MACROD2: variants seen among roughly 807,000 people sequenced by gnomAD.
MACROD2 encodes ADP-ribose glycohydrolase MACROD2.
MACROD2 carries 36 observed loss-of-function variants against 70.4 expected under a neutral mutation model. The ratio of observed to expected loss-of-function variants is 0.51; its 90% CI spans 0.39 to 0.68. The LOEUF (loss-of-function observed/expected upper bound fraction) is 0.68, where lower values mean the gene tolerates loss of function less well. Ranked by LOEUF, MACROD2 falls within the 30% of genes least tolerant of loss-of-function variation. The pLI, the probability that MACROD2 is intolerant of heterozygous loss-of-function variation, is 0.00. For synonymous variants in MACROD2, 172 were observed against 178.8 expected (o/e 0.96, Z 0.30); for missense variants, 496 against 538.4 (o/e 0.92, Z 0.78).
chr20:15,783,632 A>T (rs945037906), intron 8 of MACROD2, among the ~76,000 whole-genome samples: 3 of 152,216 alleles, frequency 2.0e-5, no homozygotes, highest in African/African-American at 7.2e-5. Flanking sequence ...CACTTTTAGG[A>T]TAAAGATACA....
rs574192953 is a variant in MACROD2 at position 15,015,458 on chromosome 20, A to G, written c.419-214482A>G. Among the ~76,000 whole-genome samples the G allele has an allele frequency of 9.3e-5, 14 of 150,406 alleles. No individual in the cohort carries two copies. The South Asian group carries it at 2.7e-3, about 29-fold the overall frequency. Reference sequence around the variant, plus strand: ...TGTTAATTTTTTTTCTACATTTTTAATCTCCTAACTATGTGTGTTTTTTTT... The same window carrying G: ...TGTTAATTTTTTTTCTACATTTTTAGTCTCCTAACTATGTGTGTTTTTTTT... On this transcript the variant is annotated intron_variant, in intron 5 of 17. Transcript: ENST00000684519.
rs113301492 is a variant in MACROD2, at chr20:14,166,782, A to G, written c.271+81054A>G. On this transcript the variant is annotated intron_variant, in intron 3 of 17. Transcript: ENST00000684519. Reference sequence around the variant, plus strand: ...TTCCCTTCTCATTGTTCCTCTCCCAATTCAGCCATTTATCCTATTGTCCCA... The same window carrying G: ...TTCCCTTCTCATTGTTCCTCTCCCAGTTCAGCCATTTATCCTATTGTCCCA... Among the ~76,000 whole-genome samples the G allele has an allele frequency of 1.7e-3, 253 of 152,014 alleles. 1 individual carries two copies. The highest frequency in any genetic ancestry group is 5.8e-3 in the African/African-American group (240 of 41,454).
intron 6 of MACROD2, among the ~76,000 whole-genome samples, chr20:15,383,316 C>T (rs540942988): frequency 6.6e-6 from 1 of 152,250 alleles, no homozygotes; most frequent in South Asian, 2.1e-4. Context: ...GTCTAAGATG[C>T]ATTGAGTACT....
At chr20:15,339,134 G>A (rs960942483) in intron 6 of MACROD2, among the ~76,000 whole-genome samples, 1 of 151,800 alleles carries the variant, frequency 6.6e-6, no homozygotes, top group African/African-American at 2.4e-5. Flanking sequence ...TTTTAAATGT[G>A]TGTGTCTGTA....
intron 8 of MACROD2, among the ~76,000 whole-genome samples, chr20:15,556,615 C>T (rs916481882): frequency 6.6e-6 from 1 of 152,222 alleles, no homozygotes; most frequent in African/African-American, 2.4e-5. Context: ...ATGTACTTCA[C>T]ACTGGCTGTG....
intron 13 of MACROD2, among the ~76,000 whole-genome samples, chr20:15,969,630 T>A (rs1281975985): frequency 6.6e-6 from 1 of 152,066 alleles, no homozygotes; most frequent in African/African-American, 2.4e-5. Flanking sequence ...TAGGTCAGAA[T>A]ATATCCAAAA....
At chr20:14,246,964 A>G (rs2081972617) in intron 3 of MACROD2, among the ~76,000 whole-genome samples, 1 of 152,250 alleles carries the variant, frequency 6.6e-6, no homozygotes, top group East Asian at 1.9e-4. Flanking sequence ...ACCCTACTTG[A>G]TTGAATTCCA....
At chr20:14,256,611 T>G (rs2327841) in intron 3 of MACROD2, among the ~76,000 whole-genome samples, 57,345 of 151,952 alleles carry the variant, frequency 0.38, 12,445 homozygotes, top group African/African-American at 0.57. Context: ...ATTGGAAGCT[T>G]GCCTTCATTT....
intron 5 of MACROD2, among the ~76,000 whole-genome samples, chr20:15,023,701 T>C (rs996388573): frequency 6.6e-6 from 1 of 152,144 alleles, no homozygotes; most frequent in Non-Finnish European, 1.5e-5. Context: ...ACTTATTCAC[T>C]ATCAAGAAAA....
In MACROD2 at chr20:15,466,269, A is replaced by C. The variant is rs547141403; in HGVS notation, c.572-33505A>C. 9.2e-5 allele frequency among the ~76,000 whole-genome samples: 14 copies of C among 152,342 alleles called. No individual in the cohort carries two copies. The East Asian group carries it at 1.9e-3, about 21-fold the overall frequency. On this transcript the variant is annotated intron_variant, in intron 7 of 17. Coordinates refer to ENST00000684519, the MANE Select transcript of MACROD2 (RefSeq NM_001351661.2). Reference sequence around the variant, plus strand: ...ATAAATGCTTTGATCTATTTAGCTCATTGCCTGGCATTGTTAACATATACA... The same window carrying C: ...ATAAATGCTTTGATCTATTTAGCTCCTTGCCTGGCATTGTTAACATATACA...
intron 4 of MACROD2, among the ~76,000 whole-genome samples, chr20:14,525,651 G>GGT (rs1290428283): frequency 1.3e-5 from 2 of 152,192 alleles, no homozygotes; most frequent in African/African-American, 4.8e-5. Context: ...TTACCACGCT[G>GGT]GTGTGTCTAT....
intron 6 of MACROD2, among the ~76,000 whole-genome samples, chr20:15,387,013 A>G (rs2045722658): frequency 6.6e-6 from 1 of 152,136 alleles, no homozygotes; most frequent in African/African-American, 2.4e-5. Context: ...AGAAAAAAGT[A>G]TTCAGCACAG....
chr20:14,379,585 C>A (rs1468002549), intron 3 of MACROD2, among the ~76,000 whole-genome samples: 2 of 152,072 alleles, frequency 1.3e-5, no homozygotes, highest in African/African-American at 4.8e-5. Context: ...AATAGAAACC[C>A]TGTAATGAGT....
Position 15,869,238 on chromosome 20 carries a change from T to TATAGAGAGAGAG in MACROD2, c.727+6413_727+6414insTAGAGAGAGAGA. On this transcript the variant is annotated intron_variant, in intron 9 of 17. Transcript: ENST00000684519. ...ATATATATATATATATATATATATA[T>TATAGAGAGAGAG]AGAGAGAGAGAGAGAGAGAGAGAGA... 5.7e-3 allele frequency among the ~76,000 whole-genome samples: 162 copies of TATAGAGAGAGAG among 28,298 alleles called. 3 individuals are homozygous for TATAGAGAGAGAG. The highest frequency in any genetic ancestry group is 7.7e-3 in the Non-Finnish European group (100 of 13,034). The allele number at this position is 28,298 out of a possible 152,430, so 18.6% of individuals were successfully genotyped here.
chr20:14,193,220 T>C (rs1325362041), intron 3 of MACROD2, among the ~76,000 whole-genome samples: 1 of 152,232 alleles, frequency 6.6e-6, no homozygotes, highest in African/African-American at 2.4e-5. Context: ...TAGGATTACA[T>C]TGATGAACAC....
intron 3 of MACROD2, among the ~76,000 whole-genome samples, chr20:14,479,922 G>T (rs2084643415): frequency 6.6e-6 from 1 of 151,956 alleles, no homozygotes; most frequent in South Asian, 2.1e-4. Flanking sequence ...TATCACCCAG[G>T]ATGGAGTTCA....
intron 5 of MACROD2, among the ~76,000 whole-genome samples, chr20:14,946,544 T>C (rs1025619386): frequency 6.6e-6 from 1 of 152,130 alleles, no homozygotes; most frequent in African/African-American, 2.4e-5. Context: ...CTCTGCTTGG[T>C]GTTGCATAAA....
At chr20:14,255,259 G>A (rs1431232658) in intron 3 of MACROD2, among the ~76,000 whole-genome samples, 3 of 152,080 alleles carry the variant, frequency 2.0e-5, no homozygotes, top group East Asian at 1.9e-4. Flanking sequence ...CCATCAGGGT[G>A]CAAAGCAAAG....
chr20:14,949,900 G>C (rs2074461900), intron 5 of MACROD2, among the ~76,000 whole-genome samples: 1 of 151,978 alleles, frequency 6.6e-6, no homozygotes, highest in African/African-American at 2.4e-5. Context: ...TTGTTTAACT[G>C]AAGCTCAAAG....
Sources: allele counts gnomAD v4.1 joint callset (sites outside exome capture counted in the v4.1 genomes callset), GRCh38; gene constraint gnomAD v4.1.1; transcripts MANE v1.5; gene names NCBI Gene and HGNC (gene_info 2026-07-23, HGNC 2026-07-21).